U2AF1L4: variants seen among roughly 807,000 people sequenced by gnomAD.
U2AF1L4 encodes splicing factor U2AF 26 kDa subunit.
A neutral mutation model predicts 21.7 loss-of-function variants in U2AF1L4; 21 were observed. The ratio of observed to expected loss-of-function variants is 0.97; its 90% confidence interval spans 0.69 to 1.39. U2AF1L4 has a LOEUF of 1.39. Ranked by LOEUF, U2AF1L4 falls within the 40% of genes most tolerant of loss-of-function variation. U2AF1L4 has a pLI of 0.00. For missense variants in U2AF1L4, 259 were observed against 245.7 expected, an observed-to-expected ratio of 1.05 and a Z score of -0.36; for synonymous variants, 92 against 89.7, an observed-to-expected ratio of 1.03 and a Z score of -0.15.
chr19:35,744,698 C>T, intron 2 of U2AF1L4: 1 of 1,535,902 alleles, frequency 6.5e-7, no homozygotes, highest in South Asian at 1.2e-5. Flanking sequence ...ATGGTCTGCA[C>T]AGAATTTAAA....
rs756613425 is a variant in U2AF1L4 at position 35,745,181 on chromosome 19, C to A, written c.76G>T (p.Val26Phe). The A allele has an allele frequency of 1.4e-4, 226 of 1,613,632 alleles. No homozygotes were observed. The highest frequency in any genetic ancestry group is 1.7e-4 in the Non-Finnish European group (206 of 1,180,038). The change falls in exon 2 of 6, where the codon GTC (valine) becomes TTC (phenylalanine). Residue 26 changes from valine to phenylalanine, a missense_variant. Coordinates refer to ENST00000378975, the MANE Select transcript of U2AF1L4 (RefSeq NM_001040425.3). ...GAGCACCGGTCCCCGTGCCGGCAGA[C>A]CCCGATCTTAAAGTAAAAAGAGCAG... ...VNCSFYFKIG[V>F]CRHGDRCSRL... is the part of the protein sequence containing the mutation.
In U2AF1L4 at chr19:35,743,848, T is replaced by C; in HGVS notation, c.422A>G (p.Asn141Ser). ...NFMHLRPISQ[N>S]LQRQLYGRGP... Reference sequence around the variant, plus strand: ...CCGCCCATAGAGCTGCCTCTGGAGGTTCTGGGAAATGGGCCGCAGATGCAT... The same window carrying C: ...CCGCCCATAGAGCTGCCTCTGGAGGCTCTGGGAAATGGGCCGCAGATGCAT... Residue 141 changes from asparagine (N) to serine (S), a missense_variant, in exon 5 of 6, where the codon AAC becomes AGC. Asn to Ser is a conservative substitution (Grantham distance 46, BLOSUM62 1). Transcript: ENST00000378975. The C allele has an allele frequency of 6.2e-7, 1 of 1,613,196 alleles. No individual in the cohort carries two copies. The highest frequency in any genetic ancestry group is 8.5e-7 in the Non-Finnish European group (1 of 1,179,672).
chr19:35,744,354 C>T lies in U2AF1L4; in HGVS notation c.200G>A (p.Gly67Glu), dbSNP rs750725195. Residue 67 changes from glycine to glutamate, a missense_variant, in exon 3 of 6, where the codon GGG becomes GAG. By Grantham distance (98) the Gly-to-Glu change is moderately conservative (BLOSUM62 -2). Transcript: ENST00000378975. ...ATAGACGTTGCCCACGAGGTGGTCC[C>T]CAAGGTTGTCGCACACATTCATCTC... The part of the protein sequence containing the change: ...IEEMNVCDNL[G>E]DHLVGNVYVK... 6.2e-7 allele frequency: 1 copy of T among 1,614,144 alleles called. No homozygotes were observed. The highest frequency in any genetic ancestry group is 8.5e-7 in the Non-Finnish European group (1 of 1,180,032).
Position 35,742,596 on chromosome 19 carries a change from G to C in U2AF1L4, c.*123C>G. ...TAGAAGAAGGTCTCCATGCTGAACA[G>C]ATTACATTATGGAGCCCGGGAGCCT... On this transcript the variant is annotated 3_prime_UTR_variant, in exon 6 of 6. Coordinates refer to ENST00000378975, the MANE Select transcript of U2AF1L4 (RefSeq NM_001040425.3). 1.9e-6 allele frequency: 3 copies of C among 1,613,930 alleles called. No homozygotes were observed. The highest frequency in any genetic ancestry group is 1.7e-6 in the Non-Finnish European group (2 of 1,180,002).
At position 35,745,107 on chromosome 19, in the gene U2AF1L4, C is replaced by A; in HGVS notation, c.132+18G>T. 1 of 1,611,436 alleles carries A rather than the reference C, an allele frequency of 6.2e-7. No individual in the cohort carries two copies. ...GCCAGGGAGCCGTTAACCCCCGAGGCTCCGTGCCGGGTCTCACCTGGCTGA... is the reference window on the plus strand; with the variant it reads ...GCCAGGGAGCCGTTAACCCCCGAGGATCCGTGCCGGGTCTCACCTGGCTGA... On this transcript the variant is annotated intron_variant, in intron 2 of 5. Coordinates refer to ENST00000378975, the MANE Select transcript of U2AF1L4 (RefSeq NM_001040425.3).
rs960605768 is a variant in U2AF1L4 at position 35,745,171 on chromosome 19, T to C, written c.86A>G (p.His29Arg). 6.2e-7 allele frequency: 1 copy of C among 1,613,690 alleles called. No individual in the cohort carries two copies. The highest frequency in any genetic ancestry group is 1.1e-5 in the South Asian group (1 of 91,078). Residue 29 changes from histidine to arginine, a missense_variant, in exon 2 of 6, where the codon CAC (histidine) becomes CGC (arginine). Coordinates refer to ENST00000378975, the MANE Select transcript of U2AF1L4 (RefSeq NM_001040425.3). ...SFYFKIGVCR[H>R]GDRCSRLHNK... The stretch of plus-strand genomic sequence containing the variant: ...GTGAAGCCGGGAGCACCGGTCCCCG[T>C]GCCGGCAGACCCCGATCTTAAAGTA...
At position 35,745,301 on chromosome 19, in the gene U2AF1L4, C is replaced by G. The variant is rs761960601; in HGVS notation, c.44+47G>C. On this transcript the variant is annotated intron_variant, in intron 1 of 5. Transcript: ENST00000378975. Reference sequence around the variant, plus strand: ...CGCCCCACCACCCAGGACCCCAGTACCCCGGCCCCGACCCCCCGAGAGTCC... The same window carrying G: ...CGCCCCACCACCCAGGACCCCAGTAGCCCGGCCCCGACCCCCCGAGAGTCC... 4.7e-5 allele frequency: 73 copies of G among 1,561,230 alleles called. No homozygotes were observed. The Middle Eastern group carries it at 1.7e-3, about 36-fold the overall frequency.
intron 2 of U2AF1L4, 108 bp from the exon 3 acceptor site, chr19:35,744,529 C>A (rs766725951): frequency 6.3e-7 from 1 of 1,598,646 alleles, no homozygotes; most frequent in South Asian, 1.1e-5. Flanking sequence ...ACCTCCACGT[C>A]ACTCACATGA....
intron 5 of U2AF1L4, 31 bp from the exon 6 acceptor site, chr19:35,742,834 G>A (rs1325237942): frequency 6.3e-7 from 1 of 1,589,456 alleles, no homozygotes; most frequent in Admixed American, 1.7e-5. Flanking sequence ...AGTTCTGTTA[G>A]AACCCTGAGG....
At chr19:35,744,554 G>A (rs564319043) in intron 2 of U2AF1L4, 133 bp from the exon 3 acceptor site, 5 of 1,568,372 alleles carry the variant, frequency 3.2e-6, no homozygotes, top group East Asian at 2.3e-5. Flanking sequence ...GGGTGGGGGC[G>A]GGCAGGGTGG....
At chr19:35,745,308 C>T (rs754393835) in intron 1 of U2AF1L4, 40 bp downstream of exon 1, 1 of 1,600,398 alleles carries the variant, frequency 6.2e-7, no homozygotes. Flanking sequence ...GTACCCCGGC[C>T]CCGACCCCCC....
chr19:35,743,810 T>G lies in U2AF1L4; in HGVS notation c.460A>C (p.Arg154=). Reference sequence around the variant, plus strand: ...CATAGCAGGCTGGTCCTGAGGTACCTGCGCCTGGGTCCCCGCCCATAGAGC... The same window carrying G: ...CATAGCAGGCTGGTCCTGAGGTACCGGCGCCTGGGTCCCCGCCCATAGAGC... ...RQLYGRGPRR[R]SPPRFHTGHH... The change falls in exon 5 of 6, where the codon AGG becomes CGG. Residue 154 remains arginine, a splice_region_variant and synonymous_variant. Transcript: ENST00000378975. 6.2e-7 allele frequency: 1 copy of G among 1,608,298 alleles called. No individual in the cohort carries two copies. Among genetic ancestry groups the G allele is most frequent in the African/African-American group, 1.3e-5 (1 of 74,888 alleles).
chr19:35,742,962 C>A, intron 5 of U2AF1L4, 159 bp from the exon 6 acceptor site: 1 of 716,894 alleles, frequency 1.4e-6, no homozygotes, highest in Non-Finnish European at 2.3e-6. Flanking sequence ...AACTCAGTGG[C>A]CAGTATCAGG....
At chr19:35,744,485 C>A (rs1486453802) in intron 2 of U2AF1L4, 64 bp from the exon 3 acceptor site, 1 of 1,613,388 alleles carries the variant, frequency 6.2e-7, no homozygotes, top group Non-Finnish European at 8.5e-7. Flanking sequence ...CCCTACCAAC[C>A]CTCACCTCGA....
chr19:35,743,708 A>T, intron 5 of U2AF1L4, 101 bp downstream of exon 5: 10 of 883,622 alleles, frequency 1.1e-5, no homozygotes, highest in South Asian at 3.1e-5. Context: ...AAAAAAAAAA[A>T]GATTCTTGGG....
intron 5 of U2AF1L4, chr19:35,743,420 G>T (rs1410315745): frequency 4.0e-6 from 1 of 248,612 alleles, no homozygotes; most frequent in African/African-American, 2.4e-5. Context: ...GCCGGGAGTG[G>T]TGGCTCACGC....
At position 35,744,374 on chromosome 19, in the gene U2AF1L4, C is replaced by T; in HGVS notation, c.180G>A (p.Met60Ile). Residue 60 changes from methionine (M) to isoleucine (I), a missense_variant, in exon 3 of 6, where the codon ATG becomes ATA. Physicochemically the swap from Met to Ile is conservative, Grantham distance 10. Coordinates refer to ENST00000378975, the MANE Select transcript of U2AF1L4 (RefSeq NM_001040425.3). ...GGTCCCCAAGGTTGTCGCACACATTCATCTCTTCAATCTCCCCATACTTCT... is the reference window on the plus strand; with the variant it reads ...GGTCCCCAAGGTTGTCGCACACATTTATCTCTTCAATCTCCCCATACTTCT... The part of the protein sequence containing the change: ...LQEKYGEIEE[M>I]NVCDNLGDHL... The T allele has an allele frequency of 6.2e-7, 1 of 1,614,176 alleles. No homozygotes were observed. Among genetic ancestry groups the T allele is most frequent in the Non-Finnish European group, 8.5e-7 (1 of 1,180,034 alleles).
chr19:35,744,932 G>C (rs1970497084), intron 2 of U2AF1L4, 193 bp downstream of exon 2: 2 of 710,780 alleles, frequency 2.8e-6, no homozygotes, highest in South Asian at 1.9e-5. Context: ...GTACGCATGG[G>C]GGCGCGACCA....
chr19:35,744,667 CG>C, intron 2 of U2AF1L4: 1 of 1,536,194 alleles, frequency 6.5e-7, no homozygotes, highest in Non-Finnish European at 8.7e-7. Context: ...CTGTGGATTC[CG>C]GTACAGGTTG....
Sources: allele counts gnomAD v4.1 joint callset, GRCh38; gene constraint gnomAD v4.1.1; transcripts MANE v1.5; gene names NCBI Gene and HGNC (gene_info 2026-07-23, HGNC 2026-07-21).